Variants in ADAM22 observed in about 807,000 individuals in gnomAD.
ADAM22 encodes disintegrin and metalloproteinase domain-containing protein 22.
Under a neutral mutation model 144.6 loss-of-function variants are expected in ADAM22, and 65 were observed. That is an observed-to-expected ratio of 0.45 (90% CI 0.37 to 0.55). The LOEUF is 0.55. Among genes scored for constraint, ADAM22 ranks in the 20% least tolerant of loss-of-function variants. The probability of loss-of-function intolerance (pLI) is 0.00; values close to 1 mark genes in which losing one functional copy is unlikely to be tolerated. For synonymous variants in ADAM22, 391 were observed against 412.6 expected, an observed-to-expected ratio of 0.95 and a Z score of 0.63; for missense variants, 974 against 1,184.9, an observed-to-expected ratio of 0.82 and a Z score of 2.61.
At chr7:88,070,654 G>GT (rs994527591) in intron 3 of ADAM22, among the ~76,000 whole-genome samples, 147 of 151,036 alleles carry the variant, frequency 9.7e-4, no homozygotes, top group African/African-American at 3.3e-3. Context: ...GATGTCTCCA[G>GT]TTTTTTTTTC....
chr7:88,173,856 A>C (rs1470725378), intron 26 of ADAM22, among the ~76,000 whole-genome samples: 1 of 152,098 alleles, frequency 6.6e-6, no homozygotes, highest in Non-Finnish European at 1.5e-5. Flanking sequence ...AGTTATTAGC[A>C]TGTGGTCTTG....
chr7:88,075,279 CTG>C (rs947955160), intron 3 of ADAM22, among the ~76,000 whole-genome samples: 3 of 152,138 alleles, frequency 2.0e-5, no homozygotes, highest in Admixed American at 1.3e-4. Flanking sequence ...ACAATTAAAA[CTG>C]TTTGATAAAA....
At chr7:88,054,051 G>C (rs1807444727) in intron 3 of ADAM22, among the ~76,000 whole-genome samples, 1 of 152,142 alleles carries the variant, frequency 6.6e-6, no homozygotes, top group South Asian at 2.1e-4. Context: ...AGAATCACTT[G>C]AACCAGGGAG....
At chr7:88,118,966 T>C (rs1828539286) in intron 7 of ADAM22, among the ~76,000 whole-genome samples, 1 of 152,196 alleles carries the variant, frequency 6.6e-6, no homozygotes, top group African/African-American at 2.4e-5. Flanking sequence ...GTAAGTTTAA[T>C]TATTATAGAT....
At chr7:88,072,667 G>A (rs928228078) in intron 3 of ADAM22, among the ~76,000 whole-genome samples, 5 of 152,280 alleles carry the variant, frequency 3.3e-5, no homozygotes, top group Admixed American at 3.3e-4. Context: ...TTGACTTTCT[G>A]TTTCTCTTTC....
chr7:88,168,198 C>T lies in ADAM22; in HGVS notation c.2253C>T (p.Leu751=). 1 of 1,613,226 alleles carries T rather than the reference C, an allele frequency of 6.2e-7. No individual in the cohort carries two copies. Among genetic ancestry groups the T allele is most frequent in the Non-Finnish European group, 8.5e-7 (1 of 1,179,518 alleles). ...IIAGTILVLA[L]ILGITAWGYK... ...CTGGCACCATTTTAGTGCTGGCCCT[C>T]ATATTAGGAATAACTGCGTGGGGTT... The change falls in exon 25 of 32, where the codon CTC becomes CTT. Residue 751 remains leucine (L), a synonymous_variant. Coordinates refer to ENST00000413139, the MANE Select transcript of ADAM22 (RefSeq NM_001324418.2).
At chr7:87,942,746 A>G (rs772452977) in intron 2 of ADAM22, among the ~76,000 whole-genome samples, 5 of 152,028 alleles carry the variant, frequency 3.3e-5, no homozygotes, top group Non-Finnish European at 7.4e-5. Context: ...AGATATGTAC[A>G]CTCTCTGTTA....
intron 2 of ADAM22, among the ~76,000 whole-genome samples, chr7:87,959,150 A>G (rs890762186): frequency 1.8e-4 from 28 of 152,170 alleles, no homozygotes; most frequent in African/African-American, 6.3e-4. Flanking sequence ...TAAATGTTAA[A>G]GGACCTAGAA....
intron 7 of ADAM22, among the ~76,000 whole-genome samples, chr7:88,120,176 A>G (rs538410503): frequency 6.6e-6 from 1 of 151,616 alleles, no homozygotes; most frequent in East Asian, 1.9e-4. Context: ...TTTTTTTAAT[A>G]TATATATATT....
At chr7:88,184,300 C>T in intron 29 of ADAM22, 1 of 411,942 alleles carries the variant, frequency 2.4e-6, no homozygotes, top group South Asian at 1.7e-5. Context: ...AGGAGGGAGC[C>T]CCAAGCACCT....
chr7:87,997,731 C>T (rs780314456), intron 3 of ADAM22, among the ~76,000 whole-genome samples: 2 of 152,266 alleles, frequency 1.3e-5, no homozygotes, highest in Non-Finnish European at 2.9e-5. Context: ...CATTTTGCCT[C>T]ATCTCTCTTC....
chr7:88,190,660 G>T (rs1357879781), intron 30 of ADAM22, among the ~76,000 whole-genome samples: 2 of 152,200 alleles, frequency 1.3e-5, no homozygotes, highest in Non-Finnish European at 2.9e-5. Context: ...GGCTGGAACT[G>T]CCGGGCAAGT....
intron 3 of ADAM22, among the ~76,000 whole-genome samples, chr7:88,044,505 G>A (rs1366334386): frequency 6.6e-6 from 1 of 152,162 alleles, no homozygotes; most frequent in Non-Finnish European, 1.5e-5. Context: ...GGAGTGCAGT[G>A]GCGCGGTCTC....
chr7:88,086,021 A>G (rs1818362259), intron 4 of ADAM22, among the ~76,000 whole-genome samples: 1 of 152,014 alleles, frequency 6.6e-6, no homozygotes, highest in African/African-American at 2.4e-5. Context: ...CTAAAAATAC[A>G]AAAAATTAGC....
At chr7:87,944,817 T>G (rs530786604) in intron 2 of ADAM22, among the ~76,000 whole-genome samples, 4 of 35,848 alleles carry the variant, frequency 1.1e-4, no homozygotes, top group South Asian at 5.1e-4. Context: ...GAAACTTGTG[T>G]TTTTTTTTTT....
rs574116789 is a variant in ADAM22 at position 87,973,225 on chromosome 7, G to A, written c.247-5111G>A. On this transcript the variant is annotated intron_variant, in intron 2 of 31. Coordinates refer to ENST00000413139, the MANE Select transcript of ADAM22 (RefSeq NM_001324418.2). ...AGGGCTAATATCCAGAATCTACAACGAACTCAAACAAATTTACAAGAAAAA... is the reference window on the plus strand; with the variant it reads ...AGGGCTAATATCCAGAATCTACAACAAACTCAAACAAATTTACAAGAAAAA... Among the ~76,000 whole-genome samples, 65 of 152,098 alleles carry A rather than the reference G, an allele frequency of 4.3e-4. 2 individuals carry two copies. The South Asian group carries it at 7.5e-3, about 17-fold the overall frequency.
chr7:88,113,651 T>G (rs1826658736), intron 5 of ADAM22, among the ~76,000 whole-genome samples: 1 of 130,452 alleles, frequency 7.7e-6, no homozygotes. Flanking sequence ...TATGTATGTG[T>G]ATGTGTGTGT....
At chr7:88,112,644 G>A (rs1826348730) in intron 5 of ADAM22, among the ~76,000 whole-genome samples, 1 of 152,154 alleles carries the variant, frequency 6.6e-6, no homozygotes, top group South Asian at 2.1e-4. Context: ...GTATATTGAA[G>A]TGCTCTCCAG....
At chr7:87,992,606 G>T (rs1033390973) in intron 3 of ADAM22, among the ~76,000 whole-genome samples, 1 of 152,104 alleles carries the variant, frequency 6.6e-6, no homozygotes, top group Non-Finnish European at 1.5e-5. Context: ...ATTTCCATAG[G>T]TAGTATTCGT....
Sources: allele counts gnomAD v4.1 joint callset (sites outside exome capture counted in the v4.1 genomes callset), GRCh38; gene constraint gnomAD v4.1.1; transcripts MANE v1.5; gene names NCBI Gene and HGNC (gene_info 2026-07-23, HGNC 2026-07-21).